Variants in CSMD1 observed in about 807,000 individuals in gnomAD.
CSMD1 encodes the protein CUB and sushi domain-containing protein 1.
Under a neutral mutation model 417.5 loss-of-function variants are expected in CSMD1, and 213 were observed. The observed-to-expected ratio is 0.51, with a 90% CI of 0.46 to 0.57. The LOEUF is 0.57. CSMD1 is among the 20% of genes least tolerant of loss of function. The pLI is 0.00. For missense variants in CSMD1, 6,923 were observed against 4,529.7 expected (o/e 1.53, Z -15.17); for synonymous variants, 2,862 against 1,736.8 (o/e 1.65, Z -16.11).
chr8:3,828,400 T>C (rs1802176876), intron 5 of CSMD1, among the ~76,000 whole-genome samples: 2 of 152,048 alleles, frequency 1.3e-5, no homozygotes, highest in Non-Finnish European at 2.9e-5. Flanking sequence ...TGCGTTACCA[T>C]ATTGTCATAT....
chr8:3,894,856 A>G (rs1185338920), intron 5 of CSMD1, among the ~76,000 whole-genome samples: 2 of 152,224 alleles, frequency 1.3e-5, no homozygotes, highest in Admixed American at 1.3e-4. Context: ...ATTCTAAAGG[A>G]ACATTATTTT....
intron 5 of CSMD1, among the ~76,000 whole-genome samples, chr8:3,978,631 G>A (rs1813622920): frequency 6.6e-6 from 1 of 152,026 alleles, no homozygotes; most frequent in Non-Finnish European, 1.5e-5. Context: ...ACGTCTCGTC[G>A]CTGCTGTCTC....
At chr8:2,958,098 T>C (rs1248844543) in intron 62 of CSMD1, among the ~76,000 whole-genome samples, 16 of 152,240 alleles carry the variant, frequency 1.1e-4, no homozygotes, top group Non-Finnish European at 1.9e-4. Flanking sequence ...TTTTTGTTTG[T>C]AATAATTATT....
chr8:4,081,336 G>C (rs975269267), intron 3 of CSMD1, among the ~76,000 whole-genome samples: 5 of 152,166 alleles, frequency 3.3e-5, no homozygotes, highest in African/African-American at 4.8e-5. Context: ...AGGTTTGATA[G>C]GGTTAAACAA....
At chr8:4,524,480 T>A (rs1437678359) in intron 2 of CSMD1, among the ~76,000 whole-genome samples, 2 of 151,926 alleles carry the variant, frequency 1.3e-5, no homozygotes, top group African/African-American at 4.8e-5. Context: ...TGAGGCCACG[T>A]TGGTGAAGCC....
Position 3,915,959 on chromosome 8 carries a change from G to A in CSMD1, c.818+81944C>T, listed in dbSNP as rs148053088. Among the ~76,000 whole-genome samples, 309 of 151,156 alleles carry A rather than the reference G, an allele frequency of 2.0e-3. 2 individuals are homozygous for A. The highest frequency in any genetic ancestry group is 6.8e-3 in the African/African-American group (280 of 41,140). On this transcript the variant is annotated intron_variant, in intron 5 of 69. Coordinates refer to ENST00000635120, the MANE Select transcript of CSMD1 (RefSeq NM_033225.6). ...AACTGGCTCCAAACTTTAGGTAAACGGACTGGAAGCATTTGAGTGAGATTC... is the reference window on the plus strand; with the variant it reads ...AACTGGCTCCAAACTTTAGGTAAACAGACTGGAAGCATTTGAGTGAGATTC...
chr8:3,594,158 C>G (rs1800983905), intron 8 of CSMD1, among the ~76,000 whole-genome samples: 1 of 152,196 alleles, frequency 6.6e-6, no homozygotes, highest in African/African-American at 2.4e-5. Context: ...CTCTGCTATG[C>G]CCGACCTACA....
In CSMD1 at chr8:3,995,371, A is replaced by T. The variant is rs568282220; in HGVS notation, c.818+2532T>A. ...TATTATGATAAACATTAAATGTTACACATACACACAAAACACTCTGTTGAC... is the reference window on the plus strand; with the variant it reads ...TATTATGATAAACATTAAATGTTACTCATACACACAAAACACTCTGTTGAC... On this transcript the variant is annotated intron_variant, in intron 5 of 69. Transcript: ENST00000635120. Among the ~76,000 whole-genome samples, 281 of 146,080 alleles carry T rather than the reference A, an allele frequency of 1.9e-3. 1 individual carries two copies. Among genetic ancestry groups the T allele is most frequent in the Non-Finnish European group, 3.0e-3 (195 of 64,450 alleles).
At chr8:3,109,828 C>A (rs921945505) in intron 43 of CSMD1, among the ~76,000 whole-genome samples, 9 of 151,372 alleles carry the variant, frequency 5.9e-5, no homozygotes, top group African/African-American at 1.9e-4. Context: ...CAGACATACA[C>A]AAGCCACACA....
intron 7 of CSMD1, among the ~76,000 whole-genome samples, chr8:3,664,614 C>T (rs540604747): frequency 2.7e-4 from 41 of 152,324 alleles, no homozygotes; most frequent in African/African-American, 9.1e-4. Flanking sequence ...TTCTGTCTGT[C>T]TCCCCACCAT....
chr8:4,285,724 G>C (rs1451991362), intron 3 of CSMD1, among the ~76,000 whole-genome samples: 1 of 152,166 alleles, frequency 6.6e-6, no homozygotes, highest in Non-Finnish European at 1.5e-5. Context: ...AGGGCCACAG[G>C]CTTCTCATCC....
At chr8:3,574,130 C>T (rs1220174959) in intron 10 of CSMD1, among the ~76,000 whole-genome samples, 1 of 152,086 alleles carries the variant, frequency 6.6e-6, no homozygotes, top group Non-Finnish European at 1.5e-5. Context: ...ATATTTTACA[C>T]AAAGTATTTA....
intron 48 of CSMD1, among the ~76,000 whole-genome samples, chr8:3,090,958 G>T (rs1337793836): frequency 1.3e-5 from 2 of 151,952 alleles, no homozygotes; most frequent in African/African-American, 4.8e-5. Context: ...ATCACTGCTG[G>T]CAGAGAATGA....
intron 3 of CSMD1, among the ~76,000 whole-genome samples, chr8:4,176,125 G>T (rs1798025855): frequency 6.6e-6 from 1 of 152,032 alleles, no homozygotes; most frequent in Non-Finnish European, 1.5e-5. Flanking sequence ...AAGTCTCAAG[G>T]GCAGTCCACA....
intron 1 of CSMD1, among the ~76,000 whole-genome samples, chr8:4,834,753 G>C (rs561475271): frequency 2.6e-5 from 4 of 151,636 alleles, no homozygotes; most frequent in African/African-American, 9.7e-5. Flanking sequence ...TCAGGAGATC[G>C]AGACCATCCT....
At chr8:4,173,868 C>G (rs1321429454) in intron 3 of CSMD1, among the ~76,000 whole-genome samples, 2 of 152,102 alleles carry the variant, frequency 1.3e-5, no homozygotes, top group East Asian at 3.9e-4. Context: ...TCTCTTCTCT[C>G]CGGGTTTGAA....
chr8:3,591,979 A>C (rs1340823319), intron 8 of CSMD1, among the ~76,000 whole-genome samples: 1 of 152,144 alleles, frequency 6.6e-6, no homozygotes, highest in Non-Finnish European at 1.5e-5. Flanking sequence ...GGAAAGATAG[A>C]TTGATAGATA....
chr8:4,592,948 T>C (rs1296834499), intron 2 of CSMD1, among the ~76,000 whole-genome samples: 2 of 152,242 alleles, frequency 1.3e-5, no homozygotes, highest in Non-Finnish European at 2.9e-5. Context: ...TGAGGTTTGC[T>C]GTAGTTTTCT....
intron 5 of CSMD1, among the ~76,000 whole-genome samples, chr8:3,899,302 C>T (rs966053734): frequency 2.0e-5 from 3 of 152,160 alleles, no homozygotes; most frequent in Non-Finnish European, 2.9e-5. Flanking sequence ...CTTTCAAGTA[C>T]GCTTTGCAAA....
Sources: allele counts gnomAD v4.1 joint callset (sites outside exome capture counted in the v4.1 genomes callset), GRCh38; gene constraint gnomAD v4.1.1; transcripts MANE v1.5; gene names NCBI Gene and HGNC (gene_info 2026-07-23, HGNC 2026-07-21).